The following GPC3 variants were observed in gnomAD, a reference collection of about 807,000 sequenced individuals.
The protein encoded by GPC3 is glypican-3.
GPC3 carries 3 observed loss-of-function variants against 34.4 expected under a neutral mutation model. The observed-to-expected ratio is 0.09, with a 90% CI of 0.04 to 0.23. The LOEUF (loss-of-function observed/expected upper bound fraction) is 0.23. Ranked by LOEUF, GPC3 falls within the 10% of genes least tolerant of loss-of-function variation. The pLI, the probability that GPC3 is intolerant of heterozygous loss-of-function variation, is 1.00. For synonymous variants in GPC3, 177 were observed against 174.0 expected, an observed-to-expected ratio of 1.02 and a Z score of -0.13; for missense variants, 351 against 445.6, an observed-to-expected ratio of 0.79 and a Z score of 1.91.
At chrX:133,788,088 TTATATATATATATATA>T (rs56318773) in intron 2 of GPC3, among the ~76,000 whole-genome samples, 9 of 64,917 alleles carry the variant, frequency 1.4e-4, no homozygotes, top group Middle Eastern at 8.9e-3. Context: ...TCATATTATT[TTATATATATATATATA>T]TATATATATA....
intron 4 of GPC3, among the ~76,000 whole-genome samples, chrX:133,693,717 C>T (rs2071088138): frequency 9.0e-6 from 1 of 111,721 alleles, no homozygotes; most frequent in Non-Finnish European, 1.9e-5. Context: ...ATGAGGAAGA[C>T]TGGTGAAAAT....
chrX:133,941,994 T>C (rs2076346696), intron 2 of GPC3, among the ~76,000 whole-genome samples: 1 of 111,445 alleles, frequency 9.0e-6, no homozygotes, highest in Non-Finnish European at 1.9e-5. Flanking sequence ...GTACTATTTT[T>C]TTCACCCACG....
chrX:133,804,416 C>T (rs1224973209), intron 2 of GPC3, among the ~76,000 whole-genome samples: 4 of 110,665 alleles, frequency 3.6e-5, no homozygotes, highest in Non-Finnish European at 7.6e-5. Flanking sequence ...ACTAACTCAT[C>T]CCATCCTAGG....
chrX:133,961,226 A>G (rs1442099170), intron 1 of GPC3, among the ~76,000 whole-genome samples: 1 of 111,406 alleles, frequency 9.0e-6, no homozygotes, highest in African/African-American at 3.3e-5. Flanking sequence ...GCACCTGGGT[A>G]TCAGGAGCTC....
chrX:133,977,115 T>G (rs1001636103), intron 1 of GPC3, among the ~76,000 whole-genome samples: 4 of 110,984 alleles, frequency 3.6e-5, no homozygotes, highest in African/African-American at 1.3e-4. Context: ...AGGATCTCAC[T>G]GGACAGTGGT....
intron 2 of GPC3, among the ~76,000 whole-genome samples, chrX:133,946,028 T>A (rs894499620): frequency 8.9e-6 from 1 of 112,232 alleles, no homozygotes; most frequent in Non-Finnish European, 1.9e-5. Flanking sequence ...GTTATTTGTA[T>A]ACAAATGTCC....
chrX:133,613,544 T>C (rs7063970), intron 6 of GPC3, among the ~76,000 whole-genome samples: 7,042 of 111,977 alleles, frequency 0.063, 569 homozygotes, highest in African/African-American at 0.22. Context: ...GGAAAAAGCA[T>C]AGGGCTGCTT....
At chrX:133,625,014 T>A (rs776283577) in intron 6 of GPC3, among the ~76,000 whole-genome samples, 1 of 111,889 alleles carries the variant, frequency 8.9e-6, no homozygotes, top group Non-Finnish European at 1.9e-5. Context: ...GTTCAACATA[T>A]GCAAATCAAT....
chrX:133,857,069 C>T (rs2075906193), intron 2 of GPC3, among the ~76,000 whole-genome samples: 1 of 109,935 alleles, frequency 9.1e-6, no homozygotes, highest in Non-Finnish European at 1.9e-5. Context: ...GTTAGATTAT[C>T]CCCAGCAATC....
At chrX:133,549,950 C>A (rs2069420420) in intron 7 of GPC3, among the ~76,000 whole-genome samples, 1 of 106,429 alleles carries the variant, frequency 9.4e-6, no homozygotes, top group East Asian at 3.0e-4. Context: ...CTCCTTCCTC[C>A]CCCCTCTGTC....
intron 2 of GPC3, among the ~76,000 whole-genome samples, chrX:133,784,843 G>A (rs1805950489): frequency 8.9e-6 from 1 of 112,198 alleles, no homozygotes; most frequent in South Asian, 3.8e-4. Flanking sequence ...AAGAAGGCCT[G>A]TGTACAGTAA....
intron 7 of GPC3, among the ~76,000 whole-genome samples, chrX:133,583,016 G>A (rs968627357): frequency 1.8e-5 from 2 of 111,654 alleles, no homozygotes; most frequent in African/African-American, 6.5e-5. Context: ...AATGACAGAA[G>A]ATGTTGAAAA....
intron 3 of GPC3, among the ~76,000 whole-genome samples, chrX:133,700,291 G>C (rs180889025): frequency 8.9e-6 from 1 of 111,762 alleles, no homozygotes; most frequent in East Asian, 2.8e-4. Flanking sequence ...CTACAGTGAA[G>C]TATACATTTG....
chrX:133,748,198 G>A (rs1165132955), intron 3 of GPC3, among the ~76,000 whole-genome samples: 4 of 112,067 alleles, frequency 3.6e-5, no homozygotes, highest in African/African-American at 9.7e-5. Context: ...TCCACACATA[G>A]GTATATGGTA....
intron 2 of GPC3, among the ~76,000 whole-genome samples, chrX:133,847,807 T>C (rs1190207029): frequency 8.9e-6 from 1 of 112,292 alleles, no homozygotes; most frequent in African/African-American, 3.2e-5. Context: ...CTCTGGTTCC[T>C]GTTTCTATTA....
chrX:133,864,236 G>T (rs954605717), intron 2 of GPC3, among the ~76,000 whole-genome samples: 1 of 110,963 alleles, frequency 9.0e-6, no homozygotes, highest in Admixed American at 9.6e-5. Context: ...GAGGAAGAAG[G>T]GATGACAGAT....
intron 2 of GPC3, among the ~76,000 whole-genome samples, chrX:133,787,136 C>T (rs2072109176): frequency 1.8e-5 from 2 of 112,084 alleles, no homozygotes; most frequent in South Asian, 7.5e-4. Flanking sequence ...TCTTGAAAAA[C>T]TTGGGCCATT....
chrX:133,721,882 C>G (rs1415702763), intron 3 of GPC3, among the ~76,000 whole-genome samples: 1 of 111,645 alleles, frequency 9.0e-6, no homozygotes, highest in African/African-American at 3.2e-5. Flanking sequence ...ACAATGTCCT[C>G]TTAGATATGA....
At chrX:133,831,703 T>TCAAAACAAAACAAAA (rs751814226) in intron 2 of GPC3, among the ~76,000 whole-genome samples, 5 of 110,477 alleles carry the variant, frequency 4.5e-5, no homozygotes, top group African/African-American at 1.7e-4. Context: ...GCACTCTGTC[T>TCAAAACAAAACAAAA]CAAAACAAAA....
Sources: allele counts gnomAD v4.1 joint callset (sites outside exome capture counted in the v4.1 genomes callset), GRCh38; gene constraint gnomAD v4.1.1; transcripts MANE v1.5; gene names NCBI Gene and HGNC (gene_info 2026-07-23, HGNC 2026-07-21).